NRIP1: variants seen among roughly 807,000 people sequenced by gnomAD.
The protein encoded by NRIP1 is nuclear receptor interacting protein 1.
A neutral mutation model predicts 75.0 loss-of-function variants in NRIP1; 28 were observed. The observed-to-expected ratio is 0.37, with a 90% CI of 0.28 to 0.51. The LOEUF is 0.51. NRIP1 is among the 20% of genes least tolerant of loss of function. NRIP1 has a pLI of 0.92. For synonymous variants in NRIP1, 526 were observed against 487.6 expected (o/e 1.08, Z -1.04); for missense variants, 1,435 against 1,343.7 (o/e 1.07, Z -1.06).
At chr21:15,038,268 A>G (rs1283796693) in intron 2 of NRIP1, among the ~76,000 whole-genome samples, 2 of 152,084 alleles carry the variant, frequency 1.3e-5, no homozygotes, top group Non-Finnish European at 2.9e-5. Context: ...TTTTTGTACT[A>G]TTTTAAAAAC....
intron 2 of NRIP1, among the ~76,000 whole-genome samples, chr21:15,035,213 T>C (rs1264897878): frequency 1.3e-5 from 2 of 152,160 alleles, no homozygotes; most frequent in East Asian, 3.8e-4. Flanking sequence ...AATATACCCT[T>C]TGTTTTAAAT....
At chr21:15,026,314 A>C (rs1052017032) in intron 2 of NRIP1, among the ~76,000 whole-genome samples, 1 of 152,250 alleles carries the variant, frequency 6.6e-6, no homozygotes, top group African/African-American at 2.4e-5. Flanking sequence ...TATCACACAG[A>C]AAAGTAAATC....
intron 3 of NRIP1, among the ~76,000 whole-genome samples, chr21:14,994,900 A>C (rs1191430014): frequency 1.3e-5 from 2 of 152,218 alleles, no homozygotes; most frequent in African/African-American, 4.8e-5. Flanking sequence ...ATTCTAGAGC[A>C]AACAAATTTT....
At position 14,963,620 on chromosome 21, in the gene NRIP1, T is replaced by A. The variant is rs919394646; in HGVS notation, c.*1096A>T. The A allele has an allele frequency of 6.6e-6, 1 of 152,166 alleles. No individual in the cohort carries two copies. The highest frequency in any genetic ancestry group is 1.5e-5 in the Non-Finnish European group (1 of 67,998). The allele number at this position is 152,166 out of a possible 1,614,324, so 9.4% of individuals were successfully genotyped here. On this transcript the variant is annotated 3_prime_UTR_variant, in exon 4 of 4. Coordinates refer to ENST00000318948, the MANE Select transcript of NRIP1 (RefSeq NM_003489.4). ...TTCTGAGGAAAGTCATAAGTCATGGTTCTCAAACACAAGAAACACCTAGAG... is the reference window on the plus strand; with the variant it reads ...TTCTGAGGAAAGTCATAAGTCATGGATCTCAAACACAAGAAACACCTAGAG...
intron 3 of NRIP1, among the ~76,000 whole-genome samples, chr21:15,010,181 T>G (rs2088069280): frequency 6.6e-6 from 1 of 152,118 alleles, no homozygotes; most frequent in African/African-American, 2.4e-5. Flanking sequence ...GACGTTAGAA[T>G]CAGAAAATTT....
chr21:14,966,792 C>T lies in NRIP1; in HGVS notation c.1401G>A (p.Leu467=). 1.2e-6 allele frequency: 2 copies of T among 1,614,084 alleles called. No individual in the cohort carries two copies. The highest frequency in any genetic ancestry group is 1.7e-6 in the Non-Finnish European group (2 of 1,180,014). ...PVSLDNFTQS[L]LNTWDPKVPD... is the part of the protein sequence containing the mutation. ...GGACTTTTGGATCCCAAGTGTTTAG[C>T]AAGGATTGAGTGAAGTTATCCAGGG... Residue 467 remains leucine (L), a synonymous_variant, in exon 4 of 4, where the codon TTG becomes TTA. Coordinates refer to ENST00000318948, the MANE Select transcript of NRIP1 (RefSeq NM_003489.4).
chr21:15,018,163 C>G (rs1449717129), intron 2 of NRIP1, among the ~76,000 whole-genome samples: 1 of 152,046 alleles, frequency 6.6e-6, no homozygotes, highest in African/African-American at 2.4e-5. Context: ...AAATATTATA[C>G]AATCTTTAAA....
At chr21:14,978,540 A>C (rs910257619) in intron 3 of NRIP1, among the ~76,000 whole-genome samples, 2 of 152,200 alleles carry the variant, frequency 1.3e-5, no homozygotes, top group Admixed American at 6.5e-5. Flanking sequence ...TGCTTATCTC[A>C]TAACAGCTAT....
In NRIP1 at chr21:14,966,527, A is replaced by G. The variant is rs1443553428; in HGVS notation, c.1666T>C (p.Leu556=). ...GACCCTGCTTTGCTTGATGTAAGTAAAGGTGGAGTGCTCACTGGAGTAGTC... is the reference window on the plus strand; with the variant it reads ...GACCCTGCTTTGCTTGATGTAAGTAGAGGTGGAGTGCTCACTGGAGTAGTC... ...NRTTPVSTPP[L]LTSSKAGSPI... Residue 556 remains leucine, a synonymous_variant, in exon 4 of 4, where the codon TTA becomes CTA. Coordinates refer to ENST00000318948, the MANE Select transcript of NRIP1 (RefSeq NM_003489.4). The G allele has an allele frequency of 1.9e-6, 3 of 1,614,062 alleles. No homozygotes were observed. The highest frequency in any genetic ancestry group is 3.3e-5 in the Admixed American group (2 of 60,008).
chr21:15,057,883 C>T (rs943587030), intron 1 of NRIP1, among the ~76,000 whole-genome samples: 7 of 152,146 alleles, frequency 4.6e-5, no homozygotes, highest in Non-Finnish European at 8.8e-5. Flanking sequence ...TGGCACAAAA[C>T]GGTTGCCCCA....
chr21:15,023,058 G>C (rs9305530), intron 2 of NRIP1, among the ~76,000 whole-genome samples: 46,426 of 152,014 alleles, frequency 0.31, 10,327 homozygotes, highest in African/African-American at 0.63. Context: ...TCTAGGGCTG[G>C]GGTGGGAAGG....
In NRIP1 at chr21:14,966,296, T is replaced by A; in HGVS notation, c.1897A>T (p.Asn633Tyr). 1 of 1,614,134 alleles carries A rather than the reference T, an allele frequency of 6.2e-7. No individual in the cohort carries two copies. The highest frequency in any genetic ancestry group is 8.5e-7 in the Non-Finnish European group (1 of 1,179,982). The part of the protein sequence containing the change: ...ATFSASKLLQ[N>Y]LAQCGMQSSM... ...GACTGCATTCCACATTGTGCTAAAT[T>A]TTGTAACAGCTTACTGGCACTAAAC... The change falls in exon 4 of 4, where the codon AAT (asparagine) becomes TAT (tyrosine). Residue 633 changes from asparagine (N) to tyrosine (Y), a missense_variant. Coordinates refer to ENST00000318948, the MANE Select transcript of NRIP1 (RefSeq NM_003489.4).
chr21:15,061,994 T>C (rs539957521), intron 1 of NRIP1, among the ~76,000 whole-genome samples: 9 of 152,362 alleles, frequency 5.9e-5, no homozygotes, highest in African/African-American at 2.2e-4. Flanking sequence ...CAGATATGCG[T>C]TAATTCATTT....
At chr21:14,990,017 CTTTGTAAA>C (rs2087525856) in intron 3 of NRIP1, among the ~76,000 whole-genome samples, 2 of 152,092 alleles carry the variant, frequency 1.3e-5, no homozygotes, top group Non-Finnish European at 2.9e-5. Flanking sequence ...ACTTCTCCTA[CTTTGTAAA>C]TTTGTAAATA....
chr21:15,043,805 T>C (rs1243452109), intron 1 of NRIP1, among the ~76,000 whole-genome samples: 1 of 151,908 alleles, frequency 6.6e-6, no homozygotes, highest in Non-Finnish European at 1.5e-5. Flanking sequence ...CAAAATACAC[T>C]ACCCAATTGT....
rs2087533362 is a variant in NRIP1 at position 14,990,278 on chromosome 21, T to C, written c.-334-21752A>G. 2.0e-5 allele frequency among the ~76,000 whole-genome samples: 3 copies of C among 152,224 alleles called. No homozygotes were observed. In the South Asian group the frequency reaches 6.2e-4, roughly 32 times the overall value. On this transcript the variant is annotated intron_variant, in intron 3 of 3. Transcript: ENST00000318948. ...CTTTTATTTCTCAAGTTTGAATGTA[T>C]TTCTACCTGTCTTACTCATGAACAT... is the stretch of plus-strand genomic sequence containing the variant.
chr21:14,962,926 G>T lies in NRIP1; in HGVS notation c.*1790C>A, dbSNP rs1179984504. On this transcript the variant is annotated 3_prime_UTR_variant, in exon 4 of 4. Transcript: ENST00000318948. ...TAGTAGTGATTATAGAATAATTTTT[G>T]ATAGGTCATTTGCTAACCTGGTTCA... is the stretch of plus-strand genomic sequence containing the variant. 6.6e-6 allele frequency: 1 copy of T among 152,386 alleles called. No individual in the cohort carries two copies. The highest frequency in any genetic ancestry group is 2.4e-5 in the African/African-American group (1 of 41,408). 9.4% of individuals were successfully genotyped at this position (152,386 alleles called of 1,614,324 possible).
chr21:15,023,397 CT>C (rs1020143944), intron 2 of NRIP1, among the ~76,000 whole-genome samples: 19 of 152,090 alleles, frequency 1.2e-4, no homozygotes, highest in East Asian at 3.9e-4. Context: ...TATTAGAATA[CT>C]TTTTTTAAAT....
rs1261479069 is a variant in NRIP1, at chr21:14,967,955, G to A, written c.238C>T (p.His80Tyr). The change falls in exon 4 of 4, where the codon CAC becomes TAC. Residue 80 changes from histidine to tyrosine, a missense_variant. Transcript: ENST00000318948. Reference protein sequence around the residue: ...THTYQGSGMLHLKKARLLQSS... With the variant: ...THTYQGSGMLYLKKARLLQSS... ...TGCAACAGTCTGGCTTTTTTGAGGT[G>A]CAGCATGCCAGACCCCTGATATGTA... 2 of 1,613,996 alleles carry A rather than the reference G, an allele frequency of 1.2e-6. No homozygotes were observed. Among genetic ancestry groups the A allele is most frequent in the African/African-American group, 1.3e-5 (1 of 75,038 alleles).
Sources: gnomAD v4.1 joint callset for allele counts (sites outside exome capture counted in the v4.1 genomes callset) on GRCh38, gnomAD v4.1.1 for gene constraint, MANE v1.5 for transcripts, NCBI Gene and HGNC (gene_info 2026-07-23, HGNC 2026-07-21) for gene names.